Variants in UGGT1 observed in about 807,000 individuals in gnomAD.
The protein encoded by UGGT1 is UDP-glucose:glycoprotein glucosyltransferase 1.
In UGGT1, 107 loss-of-function variants were observed where a neutral mutation model predicts 203.9. That is an observed-to-expected ratio of 0.52 (90% CI 0.45 to 0.62). The LOEUF (loss-of-function observed/expected upper bound fraction) is 0.62, where lower values mean the gene tolerates loss of function less well. Ranked by LOEUF, UGGT1 falls within the 20% of genes least tolerant of loss-of-function variation. The probability of loss-of-function intolerance (pLI) is 0.00; values close to 1 mark genes in which losing one functional copy is unlikely to be tolerated. For synonymous variants in UGGT1, 628 were observed against 653.5 expected (o/e 0.96, Z 0.59); for missense variants, 1,673 against 1,867.2 (o/e 0.90, Z 1.92).
At chr2:128,098,748 CA>C (rs60029946) in intron 2 of UGGT1, among the ~76,000 whole-genome samples, 268 of 94,880 alleles carry the variant, frequency 2.8e-3, no homozygotes, top group Middle Eastern at 7.7e-3. Context: ...GACTCCGTCT[CA>C]AAAAAAAAAA....
intron 16 of UGGT1, among the ~76,000 whole-genome samples, 191 bp downstream of exon 16, chr2:128,139,043 C>T (rs1689281909): frequency 6.6e-6 from 1 of 152,116 alleles, no homozygotes; most frequent in South Asian, 2.1e-4. Context: ...GCAGGGATGC[C>T]AGTTGATGAG....
intron 26 of UGGT1, among the ~76,000 whole-genome samples, chr2:128,165,589 C>T (rs1293047350): frequency 6.6e-6 from 1 of 152,070 alleles, no homozygotes; most frequent in African/African-American, 2.4e-5. Flanking sequence ...ACCAGCTACT[C>T]AGGAGCCTGA....
intron 33 of UGGT1, among the ~76,000 whole-genome samples, chr2:128,178,244 T>C (rs1468026330): frequency 1.3e-5 from 2 of 152,216 alleles, no homozygotes; most frequent in African/African-American, 4.8e-5. Context: ...CTGTGTTCAG[T>C]CTCTTCCTAA....
At chr2:128,124,008 T>C (rs1048477998) in intron 11 of UGGT1, among the ~76,000 whole-genome samples, 2 of 152,128 alleles carry the variant, frequency 1.3e-5, no homozygotes, top group Admixed American at 6.5e-5. Flanking sequence ...TGCAGTGGCG[T>C]GATCTCAGCT....
chr2:128,174,421 C>G (rs1691272288), intron 30 of UGGT1, among the ~76,000 whole-genome samples: 6 of 151,710 alleles, frequency 4.0e-5, no homozygotes, highest in Admixed American at 2.0e-4. Flanking sequence ...GCCCCAGCCT[C>G]CTGAGTAGCT....
rs575394904 is a variant in UGGT1, at chr2:128,115,347, A to C, written c.793+127A>C. On this transcript the variant is annotated intron_variant, in intron 7 of 40. Coordinates refer to ENST00000259253, the MANE Select transcript of UGGT1 (RefSeq NM_020120.4). ...TGTGTTTGCATCCTGGTTCTGTTAC[A>C]CCTGAGTGGGTGACCCTTAAGCAGA... is the stretch of plus-strand genomic sequence containing the variant. 269 of 780,514 alleles carry C rather than the reference A, an allele frequency of 3.4e-4. 3 individuals carry two copies. The South Asian group carries it at 4.4e-3, about 13-fold the overall frequency. The allele number at this position is 780,514 out of a possible 1,614,324, so 48.3% of individuals were successfully genotyped here. A position where few individuals can be genotyped will look rare whatever the true frequency, so the allele number is the denominator to read the frequency against.
At chr2:128,116,762 T>C (rs919834980) in intron 8 of UGGT1, among the ~76,000 whole-genome samples, 1 of 152,178 alleles carries the variant, frequency 6.6e-6, no homozygotes, top group Non-Finnish European at 1.5e-5. Context: ...TGGCCTCAAG[T>C]GATCCACTCG....
chr2:128,138,754 G>A lies in UGGT1; in HGVS notation c.1621G>A (p.Val541Ile), dbSNP rs774831190. Residue 541 changes from valine (V) to isoleucine (I), a missense_variant, in exon 16 of 41, where the codon GTT becomes ATT. Physicochemically the swap from Val to Ile is conservative, Grantham distance 29. Coordinates refer to ENST00000259253, the MANE Select transcript of UGGT1 (RefSeq NM_020120.4). Reference protein sequence around the residue: ...FIFVVNDSEDVDGMQDAGVAV... With the variant: ...FIFVVNDSEDIDGMQDAGVAV... Reference sequence around the variant, plus strand: ...CTTTGTGGTTAATGACTCTGAAGATGTTGATGGGATGCAAGATGCTGGAGT... The same window carrying A: ...CTTTGTGGTTAATGACTCTGAAGATATTGATGGGATGCAAGATGCTGGAGT... The A allele has an allele frequency of 1.2e-6, 2 of 1,614,028 alleles. No homozygotes were observed. The highest frequency in any genetic ancestry group is 3.3e-5 in the Admixed American group (2 of 59,994).
chr2:128,130,773 T>C (rs1688841145), intron 13 of UGGT1, among the ~76,000 whole-genome samples: 1 of 152,200 alleles, frequency 6.6e-6, no homozygotes, highest in Non-Finnish European at 1.5e-5. Flanking sequence ...TTTTATTTTC[T>C]ATCAAATATA....
intron 19 of UGGT1, among the ~76,000 whole-genome samples, chr2:128,154,608 C>G (rs1690138401): frequency 6.6e-6 from 1 of 152,150 alleles, no homozygotes; most frequent in African/African-American, 2.4e-5. Context: ...GCTCTCCCTT[C>G]CCCCACGTGA....
At chr2:128,151,301 T>C in intron 18 of UGGT1, 1 of 580,998 alleles carries the variant, frequency 1.7e-6, no homozygotes, top group Non-Finnish European at 3.3e-6. Context: ...TTGGGCTGTT[T>C]CAGCAGCACC....
intron 37 of UGGT1, among the ~76,000 whole-genome samples, chr2:128,183,277 C>A (rs569320142): frequency 6.6e-6 from 1 of 152,362 alleles, no homozygotes; most frequent in South Asian, 2.1e-4. Flanking sequence ...TCATTCTTTA[C>A]ATTCCTGGTC....
rs200258133 is a variant in UGGT1 at position 128,165,631 on chromosome 2, A to T, written c.2921+806A>T. 2.6e-5 allele frequency among the ~76,000 whole-genome samples: 4 copies of T among 152,322 alleles called. No homozygotes were observed. In the East Asian group the frequency reaches 7.7e-4, roughly 29 times the overall value. On this transcript the variant is annotated intron_variant, in intron 26 of 40. Transcript: ENST00000259253. ...AGAATCGCTTGAACCCAGGAGGTAG[A>T]GGTTGCAGTGAGCAGAGATCGTGCC...
chr2:128,145,002 A>G (rs931290354), intron 17 of UGGT1, among the ~76,000 whole-genome samples: 1 of 152,212 alleles, frequency 6.6e-6, no homozygotes, highest in Admixed American at 6.5e-5. Flanking sequence ...TGTCTGTCTT[A>G]GGTACATTTG....
chr2:128,102,555 T>G lies in UGGT1; in HGVS notation c.195-1377T>G, dbSNP rs150542048. ...AGGCAGCATTTCTTTAATAATATCT[T>G]GTATTGTTATTCTCTCCTCTGGGTT... On this transcript the variant is annotated intron_variant, in intron 2 of 40. Transcript: ENST00000259253. Among the ~76,000 whole-genome samples the G allele has an allele frequency of 2.2e-3, 330 of 152,176 alleles. 3 individuals carry two copies. Among genetic ancestry groups the G allele is most frequent in the African/African-American group, 7.4e-3 (306 of 41,552 alleles).
At chr2:128,168,735 A>G (rs1690924686) in intron 26 of UGGT1, among the ~76,000 whole-genome samples, 1 of 152,190 alleles carries the variant, frequency 6.6e-6, no homozygotes, top group South Asian at 2.1e-4. Context: ...TGCAACAGGA[A>G]GTTACCATTC....
rs1692451011 is a variant in UGGT1 at position 128,195,026 on chromosome 2, CT to C, written c.*5286del. ...AAAGTCTGTGGCAAGTGGCTGCCTG[CT>C]TCCTAGAAGGAGCCCATGAAGGTTA... On this transcript the variant is annotated 3_prime_UTR_variant, in exon 41 of 41. Coordinates refer to ENST00000259253, the MANE Select transcript of UGGT1 (RefSeq NM_020120.4). The C allele has an allele frequency of 6.6e-6, 1 of 152,220 alleles. No individual in the cohort carries two copies. The highest frequency in any genetic ancestry group is 6.5e-5 in the Admixed American group (1 of 15,280). The allele number at this position is 152,220 out of a possible 1,614,324, so 9.4% of individuals were successfully genotyped here. A position where few individuals can be genotyped will look rare whatever the true frequency, so the allele number is the denominator to read the frequency against.
intron 15 of UGGT1, among the ~76,000 whole-genome samples, chr2:128,138,515 A>AC (rs1163867081): frequency 1.9e-5 from 2 of 103,184 alleles, no homozygotes; most frequent in Admixed American, 2.0e-4. Flanking sequence ...AACTCTGTCT[A>AC]AAAAAAAAAA....
chr2:128,115,631 AT>A (rs2105375168), intron 7 of UGGT1, among the ~76,000 whole-genome samples: 1 of 152,308 alleles, frequency 6.6e-6, no homozygotes, highest in East Asian at 1.9e-4. Context: ...CCAACGTGAA[AT>A]CTTAAAGTAT....
Sources: gnomAD v4.1 joint callset for allele counts (sites outside exome capture counted in the v4.1 genomes callset) on GRCh38, gnomAD v4.1.1 for gene constraint, MANE v1.5 for transcripts, NCBI Gene and HGNC (gene_info 2026-07-23, HGNC 2026-07-21) for gene names.